LRRC7: variants seen among roughly 807,000 people sequenced by gnomAD.
LRRC7 encodes leucine rich repeat containing 7, also known as leucine-rich repeat-containing protein 7.
In LRRC7, 23 loss-of-function variants were observed where a neutral mutation model predicts 175.7. The observed-to-expected ratio is 0.13, with a 90% CI of 0.09 to 0.19. The LOEUF (loss-of-function observed/expected upper bound fraction) is 0.19, where lower values mean the gene tolerates loss of function less well. LRRC7 is among the 10% of genes least tolerant of loss of function. The probability of loss-of-function intolerance (pLI) is 1.00; values close to 1 mark genes in which losing one functional copy is unlikely to be tolerated. For synonymous variants in LRRC7, 685 were observed against 680.9 expected (o/e 1.01, Z -0.09); for missense variants, 1,354 against 1,904.7 (o/e 0.71, Z 5.38).
intron 1 of LRRC7, among the ~76,000 whole-genome samples, chr1:69,603,485 C>T (rs1040666990): frequency 3.3e-5 from 5 of 152,034 alleles, no homozygotes; most frequent in Non-Finnish European, 7.4e-5. Flanking sequence ...TTTTATAATG[C>T]TTTTGTTACA....
intron 2 of LRRC7, among the ~76,000 whole-genome samples, chr1:69,687,520 C>CAAAAAAAAAAAAAAAAAAAA (rs551726376): frequency 5.4e-4 from 52 of 96,716 alleles, no homozygotes; most frequent in Admixed American, 6.4e-4. Context: ...AAGAAAAAAC[C>CAAAAAAAAAAAAAAAAAAAA]AAAAAAAAAA....
At chr1:69,802,390 G>T (rs12092871) in intron 4 of LRRC7, among the ~76,000 whole-genome samples, 6,720 of 151,056 alleles carry the variant, frequency 0.044, 526 homozygotes, top group African/African-American at 0.15. Context: ...TATAAATCTG[G>T]GCGCTCCAGT....
intron 7 of LRRC7, among the ~76,000 whole-genome samples, chr1:69,879,067 G>C (rs1686309003): frequency 6.6e-6 from 1 of 150,808 alleles, no homozygotes; most frequent in Admixed American, 6.6e-5. Flanking sequence ...ACTATAATGT[G>C]TAGATGTAGT....
intron 25 of LRRC7, among the ~76,000 whole-genome samples, chr1:70,096,188 G>T (rs1664380598): frequency 6.6e-6 from 1 of 152,210 alleles, no homozygotes; most frequent in Non-Finnish European, 1.5e-5. Context: ...TGTTGGGCAG[G>T]CTGGTCTCGA....
chr1:69,901,132 T>C (rs1441973717), intron 7 of LRRC7, among the ~76,000 whole-genome samples: 2 of 152,090 alleles, frequency 1.3e-5, no homozygotes, highest in African/African-American at 4.8e-5. Context: ...ATGTTATGGA[T>C]TGGAAGCAGC....
chr1:69,958,219 G>GT (rs1557930813), intron 8 of LRRC7, among the ~76,000 whole-genome samples: 2 of 151,846 alleles, frequency 1.3e-5, no homozygotes, highest in African/African-American at 4.8e-5. Context: ...ATTTAAAATT[G>GT]TTTTTTCCTC....
intron 1 of LRRC7, among the ~76,000 whole-genome samples, chr1:69,631,693 C>T (rs1008881045): frequency 5.9e-5 from 9 of 152,080 alleles, no homozygotes; most frequent in African/African-American, 2.2e-4. Flanking sequence ...AGATAACCCT[C>T]AATGCAGAGC....
At chr1:69,991,865 G>A (rs1654471743) in intron 10 of LRRC7, among the ~76,000 whole-genome samples, 1 of 152,016 alleles carries the variant, frequency 6.6e-6, no homozygotes. Flanking sequence ...GCTGGTTCCA[G>A]GGCAAATGAA....
intron 25 of LRRC7, among the ~76,000 whole-genome samples, chr1:70,097,896 A>G (rs1385316631): frequency 9.5e-5 from 14 of 147,864 alleles, no homozygotes; most frequent in African/African-American, 3.0e-4. Flanking sequence ...AGTCTTTGCT[A>G]TTGTGAATAA....
chr1:70,009,923 G>A (rs1056491187), intron 11 of LRRC7, among the ~76,000 whole-genome samples: 2 of 152,036 alleles, frequency 1.3e-5, no homozygotes, highest in Admixed American at 1.3e-4. Flanking sequence ...ACAGACTTGT[G>A]CACTCATCCC....
intron 2 of LRRC7, among the ~76,000 whole-genome samples, chr1:69,679,423 G>A (rs1660196826): frequency 2.0e-5 from 3 of 152,026 alleles, no homozygotes; most frequent in Admixed American, 1.3e-4. Context: ...TTAAAGCAGG[G>A]CACACTCATG....
rs144885132 is a variant in LRRC7 at position 69,652,375 on chromosome 1, ACTAAT to A, written c.3-26003_3-25999del. 8.2e-3 allele frequency among the ~76,000 whole-genome samples: 1,256 copies of A among 152,314 alleles called. 17 individuals are homozygous for A. Among genetic ancestry groups the A allele is most frequent in the African/African-American group, 0.029 (1,194 of 41,570 alleles). The stretch of plus-strand genomic sequence containing the variant: ...AATAATTCAAAAAGGAAATTAAGAA[ACTAAT>A]CTTATCTAAAGTAACACCAACAAAA... On this transcript the variant is annotated intron_variant, in intron 1 of 26. Coordinates refer to ENST00000651989, the MANE Select transcript of LRRC7 (RefSeq NM_001370785.2).
intron 25 of LRRC7, among the ~76,000 whole-genome samples, chr1:70,094,578 C>T (rs913003506): frequency 5.3e-5 from 8 of 152,120 alleles, no homozygotes; most frequent in Non-Finnish European, 1.2e-4. Context: ...GATGCCCAAA[C>T]AGCCTGCAAC....
intron 15 of LRRC7, 75 bp downstream of exon 15, chr1:70,018,893 T>G: frequency 2.7e-6 from 3 of 1,095,392 alleles, no homozygotes; most frequent in South Asian, 1.4e-5. Context: ...TTCAGATCTC[T>G]GGCCAGGAGT....
At chr1:69,788,818 A>G (rs1674791203) in intron 3 of LRRC7, among the ~76,000 whole-genome samples, 2 of 152,314 alleles carry the variant, frequency 1.3e-5, no homozygotes, top group Middle Eastern at 3.4e-3. Flanking sequence ...TTACCCCAAC[A>G]TAAATTTCAA....
intron 2 of LRRC7, among the ~76,000 whole-genome samples, chr1:69,718,465 A>G (rs1665988557): frequency 6.6e-6 from 1 of 151,858 alleles, no homozygotes; most frequent in South Asian, 2.1e-4. Context: ...GGAACATAAC[A>G]TTCGTATGTC....
intron 9 of LRRC7, among the ~76,000 whole-genome samples, chr1:69,985,129 G>A (rs1653817807): frequency 6.6e-6 from 1 of 152,170 alleles, no homozygotes; most frequent in Admixed American, 6.5e-5. Flanking sequence ...GTCACAGGGT[G>A]TTATAATTAT....
rs75722577 is a variant in LRRC7 at position 69,686,805 on chromosome 1, A to G, written c.100+8327A>G. Among the ~76,000 whole-genome samples, 6 of 152,254 alleles carry G rather than the reference A, an allele frequency of 3.9e-5. No homozygotes were observed. In the East Asian group the frequency reaches 1.2e-3, roughly 29 times the overall value. ...GTGTAAATACCATGGTTAAAAGACAAAGCTTGTCAGATTAGATAAAAAAGA... is the reference window on the plus strand; with the variant it reads ...GTGTAAATACCATGGTTAAAAGACAGAGCTTGTCAGATTAGATAAAAAAGA... On this transcript the variant is annotated intron_variant, in intron 2 of 26. Transcript: ENST00000651989.
rs1646241941 is a variant in LRRC7 at position 69,904,694 on chromosome 1, CA to C, written c.648-26812del. 3.3e-5 allele frequency among the ~76,000 whole-genome samples: 5 copies of C among 152,004 alleles called. No homozygotes were observed. In the South Asian group the frequency reaches 1.0e-3, roughly 32 times the overall value. On this transcript the variant is annotated intron_variant, in intron 7 of 26. Coordinates refer to ENST00000651989, the MANE Select transcript of LRRC7 (RefSeq NM_001370785.2). Reference sequence around the variant, plus strand: ...CATTTTTAAAAATTTATTTTAGGTTCAGGGGTACATGTGCAGGTTTGTTATA... The same window carrying C: ...CATTTTTAAAAATTTATTTTAGGTTCGGGGTACATGTGCAGGTTTGTTATA...
Sources: allele counts gnomAD v4.1 joint callset (sites outside exome capture counted in the v4.1 genomes callset), GRCh38; gene constraint gnomAD v4.1.1; transcripts MANE v1.5; gene names NCBI Gene and HGNC (gene_info 2026-07-23, HGNC 2026-07-21).